The following TBC1D32 variants were observed in gnomAD, a reference collection of about 807,000 sequenced individuals.
The protein encoded by TBC1D32 is TBC1 domain family member 32.
TBC1D32 carries 151 observed loss-of-function variants against 170.3 expected under a neutral mutation model. The ratio of observed to expected loss-of-function variants is 0.89; its 90% confidence interval spans 0.78 to 1.01. The LOEUF is 1.01. Among genes scored for constraint, TBC1D32 ranks in the 50% least tolerant of loss-of-function variants. TBC1D32 has a pLI of 0.00. For synonymous variants in TBC1D32, 498 were observed against 488.0 expected (o/e 1.02, Z -0.27); for missense variants, 1,464 against 1,457.1 (o/e 1.00, Z -0.08).
intron 21 of TBC1D32, among the ~76,000 whole-genome samples, chr6:121,213,495 AAAATAAAATAAAATAAAATAAAATAAAAT>A (rs1423156810): frequency 0.19 from 4,237 of 22,206 alleles, 363 homozygotes; most frequent in East Asian, 0.39. Context: ...AAAATAAAAT[AAAATAAAATAAAATAAAATAAAATAAAAT>A]AAATAAAATA....
rs998398608 is a variant in TBC1D32, at chr6:121,241,522, C to T, written c.2188G>A (p.Val730Ile). ...GTTGATGCCACTCGTGTAACCAAAA[C>T]TCCATAGCCAAATTTTTTATGCCTG... ...VSRHKKFGYG[V>I]LVTRVASTAA... The change falls in exon 19 of 32, where the codon GTT becomes ATT. Residue 730 changes from valine to isoleucine, a missense_variant. By Grantham distance (29) the Val-to-Ile change is conservative. This residue lies in a region of TBC1D32 where 1,363 missense variants were observed against 1,338.1 expected (regional missense o/e 1.02). Coordinates refer to ENST00000398212, the MANE Select transcript of TBC1D32 (RefSeq NM_152730.6). 6 of 1,613,406 alleles carry T rather than the reference C, an allele frequency of 3.7e-6. No homozygotes were observed. Among genetic ancestry groups the T allele is most frequent in the East Asian group, 4.5e-5 (2 of 44,840 alleles).
At chr6:121,125,909 T>C (rs1336989742) in intron 26 of TBC1D32, among the ~76,000 whole-genome samples, 1 of 152,176 alleles carries the variant, frequency 6.6e-6, no homozygotes. Flanking sequence ...GACAAATGCA[T>C]GTATCTTTTG....
chr6:121,147,519 T>C (rs1562653519), intron 24 of TBC1D32, among the ~76,000 whole-genome samples: 2 of 152,330 alleles, frequency 1.3e-5, no homozygotes, highest in Non-Finnish European at 2.9e-5. Context: ...TTCTGACTGG[T>C]GAGAGATGGT....
chr6:121,140,928 TAC>T (rs1462102115), intron 24 of TBC1D32, among the ~76,000 whole-genome samples: 2 of 152,294 alleles, frequency 1.3e-5, no homozygotes, highest in African/African-American at 4.8e-5. Context: ...TTCCTAAATT[TAC>T]TTTAGATTAG....
intron 17 of TBC1D32, among the ~76,000 whole-genome samples, chr6:121,247,802 G>A (rs957046828): frequency 6.6e-6 from 1 of 150,576 alleles, no homozygotes; most frequent in African/African-American, 2.5e-5. Flanking sequence ...TAACACTGGA[G>A]CTCCCACATT....
chr6:121,231,737 C>T (rs185475767), intron 20 of TBC1D32, among the ~76,000 whole-genome samples: 14 of 152,068 alleles, frequency 9.2e-5, no homozygotes, highest in Admixed American at 7.2e-4. Flanking sequence ...TGTCTATTCA[C>T]GTCCTCAGCC....
chr6:121,155,323 A>G (rs1784747401), intron 24 of TBC1D32, among the ~76,000 whole-genome samples: 2 of 152,108 alleles, frequency 1.3e-5, no homozygotes, highest in Non-Finnish European at 2.9e-5. Flanking sequence ...TGTTGTATAG[A>G]AAAGCTGACT....
At chr6:121,297,064 A>G (rs1805758441) in intron 10 of TBC1D32, among the ~76,000 whole-genome samples, 1 of 152,040 alleles carries the variant, frequency 6.6e-6, no homozygotes, top group Non-Finnish European at 1.5e-5. Context: ...TAAACATGCT[A>G]TCTTTATTTG....
rs112105054 is a variant in TBC1D32, at chr6:121,115,727, C to T, written c.2984-486G>A. ...CTTCCTGCAGGCCAAGTTTTCTTTG[C>T]GAAGTAGTTGTTGTAATCATCTAAC... On this transcript the variant is annotated intron_variant, in intron 26 of 31. Coordinates refer to ENST00000398212, the MANE Select transcript of TBC1D32 (RefSeq NM_152730.6). 8.7e-3 allele frequency: 1,318 copies of T among 152,246 alleles called. 9 individuals are homozygous for T. Among genetic ancestry groups the T allele is most frequent in the South Asian group, 0.04 (194 of 4,814 alleles). The allele number at this position is 152,246 out of a possible 1,614,324, so 9.4% of individuals were successfully genotyped here.
At chr6:121,270,878 C>T (rs142432534) in intron 15 of TBC1D32, among the ~76,000 whole-genome samples, 1,883 of 152,140 alleles carry the variant, frequency 0.012, 41 homozygotes, top group African/African-American at 0.043. Context: ...TACTGGCAAA[C>T]CGAATCCAGC....
intron 22 of TBC1D32, among the ~76,000 whole-genome samples, chr6:121,186,361 A>G (rs1201737812): frequency 6.6e-6 from 1 of 152,064 alleles, no homozygotes; most frequent in African/African-American, 2.4e-5. Flanking sequence ...AAATTGATGG[A>G]AGACTAACGC....
chr6:121,172,257 T>C (rs1194183881), intron 22 of TBC1D32, among the ~76,000 whole-genome samples: 2 of 152,182 alleles, frequency 1.3e-5, no homozygotes, highest in African/African-American at 2.4e-5. Context: ...ATCAGCAGCA[T>C]GAAAATAGAC....
At chr6:121,175,601 G>C (rs1345011758) in intron 22 of TBC1D32, among the ~76,000 whole-genome samples, 1 of 152,038 alleles carries the variant, frequency 6.6e-6, no homozygotes, top group Non-Finnish European at 1.5e-5. Context: ...ATAATCATCG[G>C]AACAGATGCT....
intron 15 of TBC1D32, among the ~76,000 whole-genome samples, chr6:121,269,910 G>A (rs1460755537): frequency 2.0e-5 from 3 of 152,054 alleles, no homozygotes; most frequent in South Asian, 4.1e-4. Context: ...ATAACAAACT[G>A]TCTCTCAGAC....
At chr6:121,310,174 G>A (rs1003443404) in intron 4 of TBC1D32, among the ~76,000 whole-genome samples, 4 of 152,018 alleles carry the variant, frequency 2.6e-5, no homozygotes, top group Non-Finnish European at 5.9e-5. Flanking sequence ...GAGATCTACT[G>A]TATAACATGA....
chr6:121,251,853 T>G (rs965298539), intron 17 of TBC1D32, among the ~76,000 whole-genome samples: 1 of 151,978 alleles, frequency 6.6e-6, no homozygotes, highest in East Asian at 1.9e-4. Flanking sequence ...TTAAGGAAAT[T>G]TACAAGAAAA....
chr6:121,324,818 T>C (rs2128507057), intron 1 of TBC1D32, among the ~76,000 whole-genome samples: 1 of 152,352 alleles, frequency 6.6e-6, no homozygotes, highest in South Asian at 2.1e-4. Flanking sequence ...AAGAGAACCC[T>C]TTAAATATGT....
intron 1 of TBC1D32, among the ~76,000 whole-genome samples, chr6:121,323,584 A>G (rs1810049641): frequency 6.6e-6 from 1 of 152,106 alleles, no homozygotes; most frequent in African/African-American, 2.4e-5. Flanking sequence ...GAGTATCTCT[A>G]CTTAAACGAG....
chr6:121,203,252 ATGACTTACAAATATACC>A (rs1791828037), intron 22 of TBC1D32, among the ~76,000 whole-genome samples: 1 of 151,462 alleles, frequency 6.6e-6, no homozygotes, highest in South Asian at 2.1e-4. Context: ...CTTAAAATGT[ATGACTTACAAATATACC>A]TGACCTAAAG....
Sources: gnomAD v4.1 joint callset for allele counts (sites outside exome capture counted in the v4.1 genomes callset) on GRCh38, gnomAD v4.1.1 for gene constraint, gnomAD v4.1.1 regional missense constraint, MANE v1.5 for transcripts, NCBI Gene and HGNC (gene_info 2026-07-23, HGNC 2026-07-21) for gene names.